The following BPTF variants were observed in gnomAD, a reference collection of about 807,000 sequenced individuals.
The protein encoded by BPTF is nucleosome-remodeling factor subunit BPTF.
BPTF carries 18 observed loss-of-function variants against 292.5 expected under a neutral mutation model. The observed-to-expected ratio is 0.06, with a 90% CI of 0.04 to 0.09. BPTF has a LOEUF of 0.09. Among genes scored for constraint, BPTF ranks in the 10% least tolerant of loss-of-function variants. BPTF has a pLI of 1.00. For missense variants in BPTF, 2,726 were observed against 3,498.7 expected (o/e 0.78, Z 5.57); for synonymous variants, 1,225 against 1,251.9 (o/e 0.98, Z 0.45).
intron 11 of BPTF, among the ~76,000 whole-genome samples, chr17:67,914,705 C>T (rs1293606301): frequency 6.6e-6 from 1 of 152,182 alleles, no homozygotes; most frequent in Non-Finnish European, 1.5e-5. Flanking sequence ...CTTCTCTGAA[C>T]TCTCCAGGAG....
chr17:67,889,848 A>G (rs2060995467), intron 4 of BPTF, among the ~76,000 whole-genome samples: 1 of 152,152 alleles, frequency 6.6e-6, no homozygotes, highest in Admixed American at 6.6e-5. Context: ...GAGACCCAAG[A>G]GAAAATTGAT....
chr17:67,886,810 GAATTCA>G (rs1274915295), intron 4 of BPTF, among the ~76,000 whole-genome samples: 1 of 152,008 alleles, frequency 6.6e-6, no homozygotes. Flanking sequence ...GTTATGAATT[GAATTCA>G]TTTTTTTTTA....
chr17:67,946,058 A>G lies in BPTF; in HGVS notation c.7350A>G (p.Ser2450=). 1.2e-6 allele frequency: 2 copies of G among 1,614,196 alleles called. No individual in the cohort carries two copies. Among genetic ancestry groups the G allele is most frequent in the Non-Finnish European group, 1.7e-6 (2 of 1,180,042 alleles). The change falls in exon 21 of 28, where the codon TCA becomes TCG. Residue 2450 remains serine, a synonymous_variant. Coordinates refer to ENST00000306378, the MANE Select transcript of BPTF (RefSeq NM_182641.4). ...QQVQVLSQIQ[S]QVVAQIQAQQ... ...TCCAGGTTCTCTCTCAGATCCAGTCACAGGTTGTGGCTCAGATACAGGCTC... is the reference window on the plus strand; with the variant it reads ...TCCAGGTTCTCTCTCAGATCCAGTCGCAGGTTGTGGCTCAGATACAGGCTC...
chr17:67,947,963 T>TTGA, intron 22 of BPTF, 118 bp from the exon 23 acceptor site: 4 of 1,267,216 alleles, frequency 3.2e-6, no homozygotes, highest in Non-Finnish European at 4.4e-6. Flanking sequence ...TGAACCACTC[T>TTGA]TGACGTTTTC....
At chr17:67,887,412 AT>A (rs2060818309) in intron 4 of BPTF, among the ~76,000 whole-genome samples, 1 of 152,112 alleles carries the variant, frequency 6.6e-6, no homozygotes, top group Non-Finnish European at 1.5e-5. Context: ...TCATACAGAC[AT>A]TTTTACATTT....
chr17:67,944,445 A>G (rs1598823390), intron 20 of BPTF, 73 bp downstream of exon 20: 1 of 1,511,938 alleles, frequency 6.6e-7, no homozygotes, highest in East Asian at 2.2e-5. Context: ...GGCCAACAGG[A>G]GAACCAGTAT....
At chr17:67,981,151 CT>C (rs782100840) in intron 27 of BPTF, among the ~76,000 whole-genome samples, 2 of 152,144 alleles carry the variant, frequency 1.3e-5, no homozygotes, top group Non-Finnish European at 2.9e-5. Flanking sequence ...AGAGTGAGAC[CT>C]TGTTTCAAAA....
chr17:67,917,323 C>G (rs2063106256), intron 11 of BPTF, among the ~76,000 whole-genome samples: 3 of 151,730 alleles, frequency 2.0e-5, no homozygotes, highest in African/African-American at 7.3e-5. Context: ...TGGGGTTTCA[C>G]TATGTTGGCC....
intron 5 of BPTF, 67 bp from the exon 6 acceptor site, chr17:67,893,303 G>C: frequency 1.0e-6 from 1 of 960,886 alleles, no homozygotes; most frequent in Non-Finnish European, 1.6e-6. Context: ...TTGAAAGACA[G>C]TTGATTAGAT....
chr17:67,964,817 G>A (rs186806204), intron 25 of BPTF, among the ~76,000 whole-genome samples: 5 of 151,542 alleles, frequency 3.3e-5, no homozygotes, highest in Admixed American at 2.6e-4. Context: ...GGCTAACACG[G>A]TGAAACCCCG....
At chr17:67,884,616 G>A (rs1051571841) in intron 4 of BPTF, among the ~76,000 whole-genome samples, 1 of 151,750 alleles carries the variant, frequency 6.6e-6, no homozygotes, top group Non-Finnish European at 1.5e-5. Flanking sequence ...GAGTTTCACC[G>A]TGTTGCCCAG....
At chr17:67,905,476 G>A (rs1206118208) in intron 9 of BPTF, among the ~76,000 whole-genome samples, 1 of 152,022 alleles carries the variant, frequency 6.6e-6, no homozygotes, top group Non-Finnish European at 1.5e-5. Context: ...GGAGGCTGAG[G>A]CAGGAGGATC....
At chr17:67,952,538 C>T (rs2066476770) in intron 23 of BPTF, among the ~76,000 whole-genome samples, 1 of 152,158 alleles carries the variant, frequency 6.6e-6, no homozygotes, top group African/African-American at 2.4e-5. Flanking sequence ...GCTGGGATTC[C>T]AGGCGTGAGC....
chr17:67,879,620 G>A (rs969331366), intron 4 of BPTF, among the ~76,000 whole-genome samples: 1 of 152,120 alleles, frequency 6.6e-6, no homozygotes, highest in African/African-American at 2.4e-5. Context: ...GATTTCTTTG[G>A]CTATGTGGTT....
intron 2 of BPTF, among the ~76,000 whole-genome samples, chr17:67,857,797 TTTTTTTTG>T (rs1202119748): frequency 1.4e-5 from 2 of 146,800 alleles, no homozygotes; most frequent in African/African-American, 5.1e-5. Context: ...TTTTTTTTTT[TTTTTTTTG>T]AGACAGCGTC....
rs1365917919 is a variant in BPTF, at chr17:67,874,923, T to C, written c.1767T>C (p.Asp589=). ...ATGAGACTGAGAATGACTCTAAAGA[T>C]GCTGAGAAAAACAGAGAAGAATTTG... ...DKNETENDSK[D]AEKNREEFED... Residue 589 remains aspartate, a synonymous_variant, in exon 4 of 28, where the codon GAT becomes GAC. Transcript: ENST00000306378. The C allele has an allele frequency of 1.9e-6, 3 of 1,613,592 alleles. No individual in the cohort carries two copies. The African/African-American group carries it at 4.0e-5, about 22-fold the overall frequency.
chr17:67,863,908 G>A (rs1269688018), intron 2 of BPTF, among the ~76,000 whole-genome samples: 2 of 152,244 alleles, frequency 1.3e-5, no homozygotes, highest in African/African-American at 4.8e-5. Flanking sequence ...GCTTTAAAAT[G>A]TAGACATATA....
At position 67,826,110 on chromosome 17, in the gene BPTF, A is replaced by G. The variant is rs760396628; in HGVS notation, c.386A>G (p.His129Arg). 2 of 1,411,750 alleles carry G rather than the reference A, an allele frequency of 1.4e-6. No individual in the cohort carries two copies. Among genetic ancestry groups the G allele is most frequent in the Non-Finnish European group, 2.0e-6 (2 of 1,010,518 alleles). The allele number at this position is 1,411,750 out of a possible 1,614,324, so 87.5% of individuals were successfully genotyped here. The change falls in exon 1 of 28, where the codon CAC becomes CGC. Residue 129 changes from histidine (H) to arginine (R), a missense_variant. By Grantham distance (29) the His-to-Arg change is conservative (BLOSUM62 0). Transcript: ENST00000306378. ...GTCAACAAAGTGGTGTACGATGACC[A>G]CGAGAGCGAGGAGGAGGAGGAAGAG... ...RAVNKVVYDDHESEEEEEEED... is the reference protein window; with the variant it reads ...RAVNKVVYDDRESEEEEEEED...
chr17:67,850,086 ATGT>A (rs1170710784), intron 1 of BPTF, among the ~76,000 whole-genome samples: 4 of 152,196 alleles, frequency 2.6e-5, no homozygotes, highest in Non-Finnish European at 4.4e-5. Context: ...CACATTTCTA[ATGT>A]TGTCAGATAA....
Sources: gnomAD v4.1 joint callset for allele counts (sites outside exome capture counted in the v4.1 genomes callset) on GRCh38, gnomAD v4.1.1 for gene constraint, MANE v1.5 for transcripts, NCBI Gene and HGNC (gene_info 2026-07-23, HGNC 2026-07-21) for gene names.